The following TRPV5 variants were observed in gnomAD, a reference collection of about 807,000 sequenced individuals.
TRPV5 encodes calcium transport protein 2.
TRPV5 carries 66 observed loss-of-function variants against 74.1 expected under a neutral mutation model. The ratio of observed to expected loss-of-function variants is 0.89; its 90% CI spans 0.73 to 1.09. The LOEUF (loss-of-function observed/expected upper bound fraction) is 1.09, where lower values mean the gene tolerates loss of function less well. Ranked by LOEUF, TRPV5 falls within the 50% of genes least tolerant of loss-of-function variation. The pLI is 0.00. For synonymous variants in TRPV5, 399 were observed against 360.7 expected, an observed-to-expected ratio of 1.11 and a Z score of -1.20; for missense variants, 936 against 930.4, an observed-to-expected ratio of 1.01 and a Z score of -0.08.
Position 142,915,559 on chromosome 7 carries a change from C to T in TRPV5, c.1132G>A (p.Glu378Lys). The part of the protein sequence containing the change: ...LQQKLLQEAY[E>K]TREDIIRLVG... ...AGCCTGATGATATCTTCACGTGTCT[C>T]ATAGGCCTCCTATGTGGGGAAATTC... is the stretch of plus-strand genomic sequence containing the variant. Residue 378 changes from glutamate (E) to lysine (K), a missense_variant, in exon 9 of 15, where the codon GAG becomes AAG. By Grantham distance (56) the Glu-to-Lys change is moderately conservative. Transcript: ENST00000265310. 2 of 1,614,118 alleles carry T rather than the reference C, an allele frequency of 1.2e-6. No individual in the cohort carries two copies. The highest frequency in any genetic ancestry group is 1.7e-6 in the Non-Finnish European group (2 of 1,180,008).
chr7:142,919,494 CTGAA>C (rs1795850262), intron 8 of TRPV5, among the ~76,000 whole-genome samples: 1 of 152,196 alleles, frequency 6.6e-6, no homozygotes, highest in Non-Finnish European at 1.5e-5. Context: ...TCGTGCTTTT[CTGAA>C]ATTTTCAGAT....
chr7:142,925,031 C>T (rs4252439), intron 8 of TRPV5: 5,461 of 184,688 alleles, frequency 0.03, 130 homozygotes, highest in African/African-American at 0.076. Context: ...TCCAGACATC[C>T]TTCTGCAGAG....
chr7:142,923,885 T>A (rs1795923864), intron 8 of TRPV5, among the ~76,000 whole-genome samples: 1 of 152,162 alleles, frequency 6.6e-6, no homozygotes, highest in African/African-American at 2.4e-5. Flanking sequence ...GAGTCCTGTC[T>A]ACCTTCAAAA....
chr7:142,925,798 C>T, intron 7 of TRPV5, 57 bp from the exon 8 acceptor site: 1 of 1,494,360 alleles, frequency 6.7e-7, no homozygotes, highest in Non-Finnish European at 9.2e-7. Flanking sequence ...TGTTGTTTAT[C>T]CCACTGGGGG....
intron 8 of TRPV5, among the ~76,000 whole-genome samples, chr7:142,919,460 T>G (rs942067387): frequency 5.9e-5 from 9 of 152,258 alleles, no homozygotes; most frequent in Non-Finnish European, 1.0e-4. Flanking sequence ...TCTGGAGGCC[T>G]AAGAGGAAAA....
intron 4 of TRPV5, 133 bp from the exon 5 acceptor site, chr7:142,929,253 A>G: frequency 1.2e-5 from 18 of 1,471,604 alleles, no homozygotes; most frequent in Non-Finnish European, 1.7e-5. Flanking sequence ...GTCCAGCAGA[A>G]CCAGAGGAAG....
chr7:142,908,750 T>C lies in TRPV5; in HGVS notation c.1954A>G (p.Lys652Glu), dbSNP rs779257674. ...LRVLRYVEVF[K>E]NSDKEDDQEH... ...TGGTCATCCTCCTTGTCTGAGTTCTTGAACACTTCCACATAGCGAAGCACT... is the reference window on the plus strand; with the variant it reads ...TGGTCATCCTCCTTGTCTGAGTTCTCGAACACTTCCACATAGCGAAGCACT... The change falls in exon 15 of 15, where the codon AAG becomes GAG. Residue 652 changes from lysine to glutamate, a missense_variant. By Grantham distance (56) the Lys-to-Glu change is moderately conservative. Transcript: ENST00000265310. 7 of 1,614,090 alleles carry C rather than the reference T, an allele frequency of 4.3e-6. No individual in the cohort carries two copies. In the South Asian group the frequency reaches 7.7e-5, roughly 18 times the overall value.
chr7:142,910,757 T>G (rs1795690716), intron 13 of TRPV5, among the ~76,000 whole-genome samples: 1 of 152,236 alleles, frequency 6.6e-6, no homozygotes, highest in South Asian at 2.1e-4. Flanking sequence ...AAAGAAATGT[T>G]TATTGTTCCT....
chr7:142,927,460 A>G (rs1280204088), intron 7 of TRPV5, among the ~76,000 whole-genome samples: 1 of 152,240 alleles, frequency 6.6e-6, no homozygotes, highest in Non-Finnish European at 1.5e-5. Context: ...AGGGTAATTT[A>G]TAAATAAAAA....
At chr7:142,910,582 G>A (rs995185698) in intron 13 of TRPV5, among the ~76,000 whole-genome samples, 2 of 152,128 alleles carry the variant, frequency 1.3e-5, no homozygotes, top group Non-Finnish European at 2.9e-5. Flanking sequence ...TTGAAGGAGT[G>A]CAATCTTCAA....
intron 7 of TRPV5, among the ~76,000 whole-genome samples, chr7:142,927,113 CT>C (rs4252426): frequency 0.016 from 2,460 of 152,104 alleles, 57 homozygotes; most frequent in African/African-American, 0.056. Context: ...CTAAAAAGCT[CT>C]TTTTTTTCTC....
At chr7:142,915,155 C>T in intron 10 of TRPV5, 109 bp from the exon 11 acceptor site, 1 of 1,526,556 alleles carries the variant, frequency 6.6e-7, no homozygotes, top group South Asian at 1.2e-5. Context: ...AGTCTTTACA[C>T]CTAAAACGCA....
intron 8 of TRPV5, among the ~76,000 whole-genome samples, chr7:142,916,945 A>C (rs1423700609): frequency 2.0e-5 from 3 of 146,478 alleles, no homozygotes; most frequent in African/African-American, 7.5e-5. Flanking sequence ...AACTTTTCTG[A>C]CATTTATCTC....
intron 8 of TRPV5, among the ~76,000 whole-genome samples, chr7:142,921,236 C>CT (rs1795881434): frequency 6.6e-6 from 1 of 152,198 alleles, no homozygotes; most frequent in Non-Finnish European, 1.5e-5. Flanking sequence ...ATGCCAATCC[C>CT]TTCCCTCTAT....
chr7:142,929,643 T>A, intron 3 of TRPV5, 78 bp from the exon 4 acceptor site: 1 of 1,572,046 alleles, frequency 6.4e-7, no homozygotes, highest in Non-Finnish European at 8.7e-7. Context: ...CCACCATCCC[T>A]CTCAGGAGGT....
intron 3 of TRPV5, 94 bp downstream of exon 3, chr7:142,929,964 A>G (rs1796056669): frequency 6.3e-7 from 1 of 1,589,434 alleles, no homozygotes; most frequent in Non-Finnish European, 8.6e-7. Flanking sequence ...CCATCACCCC[A>G]CCCCAACCCA....
intron 8 of TRPV5, among the ~76,000 whole-genome samples, chr7:142,923,824 G>C (rs983817244): frequency 6.6e-6 from 1 of 152,154 alleles, no homozygotes; most frequent in Non-Finnish European, 1.5e-5. Context: ...AGACACACAG[G>C]AAGGAGAGTT....
At chr7:142,922,255 A>C (rs1361475394) in intron 8 of TRPV5, among the ~76,000 whole-genome samples, 1 of 152,238 alleles carries the variant, frequency 6.6e-6, no homozygotes, top group Non-Finnish European at 1.5e-5. Flanking sequence ...ATAATAATTT[A>C]TTTAATGAAT....
intron 12 of TRPV5, among the ~76,000 whole-genome samples, chr7:142,913,496 T>C (rs1006011525): frequency 4.6e-5 from 7 of 152,208 alleles, no homozygotes; most frequent in African/African-American, 1.7e-4. Context: ...AGAGGACATC[T>C]ACAGAAAGCC....
Sources: allele counts gnomAD v4.1 joint callset (sites outside exome capture counted in the v4.1 genomes callset), GRCh38; gene constraint gnomAD v4.1.1; transcripts MANE v1.5; gene names NCBI Gene and HGNC (gene_info 2026-07-23, HGNC 2026-07-21).